TNFSF15: variants seen among roughly 807,000 people sequenced by gnomAD.
The protein encoded by TNFSF15 is TNF superfamily member 15, also known as tumor necrosis factor ligand superfamily member 15.
A neutral mutation model predicts 26.4 loss-of-function variants in TNFSF15; 15 were observed. The observed-to-expected ratio is 0.57, with a 90% CI of 0.38 to 0.87. The LOEUF is 0.87. TNFSF15 is among the 40% of genes least tolerant of loss of function. The pLI is 0.00. For synonymous variants in TNFSF15, 116 were observed against 115.0 expected, an observed-to-expected ratio of 1.01 and a Z score of -0.06; for missense variants, 290 against 306.1, an observed-to-expected ratio of 0.95 and a Z score of 0.39.
rs1484549062 is a variant in TNFSF15 at position 114,788,226 on chromosome 9, G to A, written c.*2226C>T. On this transcript the variant is annotated 3_prime_UTR_variant, in exon 4 of 4. Transcript: ENST00000374045. The stretch of plus-strand genomic sequence containing the variant: ...GAGAAATCTTTCTTTTCTGCTTTAA[G>A]TCAAGGGTAATTCCTCCATCTGAGA... 1 of 153,758 alleles carries A rather than the reference G, an allele frequency of 6.5e-6. No homozygotes were observed. Among genetic ancestry groups the A allele is most frequent in the Non-Finnish European group, 1.5e-5 (1 of 68,048 alleles). 9.5% of individuals were successfully genotyped at this position (153,758 alleles called of 1,614,324 possible).
At chr9:114,804,146 C>T (rs1018171651) in intron 1 of TNFSF15, among the ~76,000 whole-genome samples, 1 of 152,166 alleles carries the variant, frequency 6.6e-6, no homozygotes. Context: ...CACATCTGCT[C>T]TCCAGGAAGA....
At chr9:114,801,737 C>A (rs916617728) in intron 1 of TNFSF15, among the ~76,000 whole-genome samples, 1 of 152,202 alleles carries the variant, frequency 6.6e-6, no homozygotes, top group South Asian at 2.1e-4. Context: ...TAACTTTCAA[C>A]CCTAAACTCT....
chr9:114,802,532 T>G (rs910754142), intron 1 of TNFSF15, among the ~76,000 whole-genome samples: 2 of 152,242 alleles, frequency 1.3e-5, no homozygotes, highest in South Asian at 2.1e-4. Flanking sequence ...ATTACAGGCA[T>G]GAGCCACTGT....
At chr9:114,805,412 G>A (rs1656604982) in intron 1 of TNFSF15, among the ~76,000 whole-genome samples, 1 of 152,136 alleles carries the variant, frequency 6.6e-6, no homozygotes, top group African/African-American at 2.4e-5. Context: ...TCAGCTATAA[G>A]AGTTATGGGT....
intron 3 of TNFSF15, chr9:114,791,272 G>T: frequency 5.2e-6 from 2 of 382,862 alleles, no homozygotes; most frequent in Non-Finnish European, 4.9e-6. Flanking sequence ...TTTCCCAAAT[G>T]ACTCAGATAA....
chr9:114,803,250 T>TG (rs1246180126), intron 1 of TNFSF15, among the ~76,000 whole-genome samples: 1 of 152,140 alleles, frequency 6.6e-6, no homozygotes, highest in African/African-American at 2.4e-5. Flanking sequence ...GCCTGGTGCC[T>TG]GGGGTAGAGT....
chr9:114,795,807 T>C lies in TNFSF15; in HGVS notation c.211-2239A>G, dbSNP rs909996410. On this transcript the variant is annotated intron_variant, in intron 1 of 3. Coordinates refer to ENST00000374045, the MANE Select transcript of TNFSF15 (RefSeq NM_005118.4). ...AGCATCTGTACACGTGTCTGTGATG[T>C]GGCGTCATATGTATGGATGTCTTGC... is the stretch of plus-strand genomic sequence containing the variant. Among the ~76,000 whole-genome samples, 11 of 152,356 alleles carry C rather than the reference T, an allele frequency of 7.2e-5. No homozygotes were observed. The East Asian group carries it at 1.4e-3, about 19-fold the overall frequency.
intron 3 of TNFSF15, chr9:114,791,273 AC>A: frequency 2.6e-6 from 1 of 377,720 alleles, no homozygotes; most frequent in East Asian, 4.9e-5. Flanking sequence ...TTCCCAAATG[AC>A]TCAGATAAAA....
intron 1 of TNFSF15, among the ~76,000 whole-genome samples, chr9:114,802,244 G>GT (rs914828728): frequency 6.6e-5 from 10 of 151,670 alleles, no homozygotes; most frequent in East Asian, 1.9e-4. Context: ...GAAGACTTTG[G>GT]TTTTTTTTGT....
intron 1 of TNFSF15, among the ~76,000 whole-genome samples, chr9:114,804,100 C>G (rs1302058028): frequency 6.6e-6 from 1 of 152,204 alleles, no homozygotes; most frequent in Non-Finnish European, 1.5e-5. Flanking sequence ...TAAGAAGTTA[C>G]AGAGCCTGGG....
Position 114,786,427 on chromosome 9 carries a change from A to G in TNFSF15, c.*4025T>C, listed in dbSNP as rs561793999. 6 of 152,374 alleles carry G rather than the reference A, an allele frequency of 3.9e-5. No individual in the cohort carries two copies. Among genetic ancestry groups the G allele is most frequent in the African/African-American group, 1.2e-4 (5 of 41,596 alleles). 9.4% of individuals were successfully genotyped at this position (152,374 alleles called of 1,614,324 possible). A position where few individuals can be genotyped will look rare whatever the true frequency, so the allele number is the denominator to read the frequency against. ...GGCCGTGCCTTGTGCACAGTGAGTT[A>G]GTTAAACTTTTATAATCCAGGGGGA... is the stretch of plus-strand genomic sequence containing the variant. On this transcript the variant is annotated 3_prime_UTR_variant, in exon 4 of 4. Transcript: ENST00000374045.
chr9:114,785,089 G>A lies in TNFSF15; in HGVS notation c.*5363C>T, dbSNP rs1231496013. ...TCTCAGCTCTCCAGTATCCAGGCAA[G>A]TGCTGCCACGTGACAGATGCTCAAA... is the stretch of plus-strand genomic sequence containing the variant. On this transcript the variant is annotated 3_prime_UTR_variant, in exon 4 of 4. Transcript: ENST00000374045. The A allele has an allele frequency of 1.3e-5, 2 of 152,240 alleles. No homozygotes were observed. Among genetic ancestry groups the A allele is most frequent in the South Asian group, 2.1e-4 (1 of 4,834 alleles). 9.4% of individuals were successfully genotyped at this position (152,240 alleles called of 1,614,324 possible). A position where few individuals can be genotyped will look rare whatever the true frequency, so the allele number is the denominator to read the frequency against.
rs972508800 is a variant in TNFSF15 at position 114,789,100 on chromosome 9, TC to T, written c.*1351del. On this transcript the variant is annotated 3_prime_UTR_variant, in exon 4 of 4. Coordinates refer to ENST00000374045, the MANE Select transcript of TNFSF15 (RefSeq NM_005118.4). The stretch of plus-strand genomic sequence containing the variant: ...CAGATTTGGTGATTGACTTCTTTTT[TC>T]CCTTCCCCCATGGAATAAGTCCATT... 1 of 152,222 alleles carries T rather than the reference TC, an allele frequency of 6.6e-6. No homozygotes were observed. The highest frequency in any genetic ancestry group is 2.4e-5 in the African/African-American group (1 of 41,452). The allele number at this position is 152,222 out of a possible 1,614,324, so 9.4% of individuals were successfully genotyped here. A position where few individuals can be genotyped will look rare whatever the true frequency, so the allele number is the denominator to read the frequency against.
chr9:114,793,494 C>T (rs10982409), intron 2 of TNFSF15, 32 bp downstream of exon 2: 44,267 of 1,611,800 alleles, frequency 0.027, 1,919 homozygotes, highest in South Asian at 0.14. Context: ...TTATTCCCCA[C>T]GAGGAAAGGC....
In TNFSF15 at chr9:114,786,512, T is replaced by C. The variant is rs541180662; in HGVS notation, c.*3940A>G. 1 of 152,250 alleles carries C rather than the reference T, an allele frequency of 6.6e-6. No individual in the cohort carries two copies. The highest frequency in any genetic ancestry group is 2.4e-5 in the African/African-American group (1 of 41,534). 9.4% of individuals were successfully genotyped at this position (152,250 alleles called of 1,614,324 possible). ...GGTGATGAGAACTGAATAGTTTAGG[T>C]TGAAATGGAGCCAAGAGTTCTGGTG... On this transcript the variant is annotated 3_prime_UTR_variant, in exon 4 of 4. Coordinates refer to ENST00000374045, the MANE Select transcript of TNFSF15 (RefSeq NM_005118.4).
intron 3 of TNFSF15, 35 bp downstream of exon 3, chr9:114,792,372 C>G: frequency 6.2e-7 from 1 of 1,604,668 alleles, no homozygotes; most frequent in Non-Finnish European, 8.5e-7. Flanking sequence ...GATTCTGGCC[C>G]ATGGTCTCCC....
Position 114,784,683 on chromosome 9 carries a change from A to G in TNFSF15, c.*5769T>C, listed in dbSNP as rs1829468358. On this transcript the variant is annotated 3_prime_UTR_variant, in exon 4 of 4. Coordinates refer to ENST00000374045, the MANE Select transcript of TNFSF15 (RefSeq NM_005118.4). ...CTTCAATGCCAGTTTATTAAGTTAC[A>G]TCTATTAAATATATTAACACATACA... The G allele has an allele frequency of 1.3e-5, 2 of 152,276 alleles. No individual in the cohort carries two copies. Among genetic ancestry groups the G allele is most frequent in the Non-Finnish European group, 2.9e-5 (2 of 68,054 alleles). The allele number at this position is 152,276 out of a possible 1,614,324, so 9.4% of individuals were successfully genotyped here. A position where few individuals can be genotyped will look rare whatever the true frequency, so the allele number is the denominator to read the frequency against.
intron 3 of TNFSF15, 179 bp downstream of exon 3, chr9:114,792,224 TACAC>T (rs142936750): frequency 0.16 from 86,497 of 553,038 alleles, 3,339 homozygotes; most frequent in African/African-American, 0.23. Context: ...CATATGTGTG[TACAC>T]ACACACACAC....
At chr9:114,803,418 G>A (rs182052442) in intron 1 of TNFSF15, among the ~76,000 whole-genome samples, 25 of 152,268 alleles carry the variant, frequency 1.6e-4, no homozygotes, top group Admixed American at 5.9e-4. Flanking sequence ...GAAGCCACAT[G>A]CCTATTTTCA....
Sources: allele counts gnomAD v4.1 joint callset (sites outside exome capture counted in the v4.1 genomes callset), GRCh38; gene constraint gnomAD v4.1.1; transcripts MANE v1.5; gene names NCBI Gene and HGNC (gene_info 2026-07-23, HGNC 2026-07-21).